Variants in CES1 observed in about 807,000 individuals in gnomAD.
The protein encoded by CES1 is liver carboxylesterase 1.
CES1 carries 50 observed loss-of-function variants against 53.0 expected under a neutral mutation model. The ratio of observed to expected loss-of-function variants is 0.94; its 90% CI spans 0.75 to 1.19. The LOEUF is 1.19. CES1 is among the 50% of genes most tolerant of loss of function. The probability of loss-of-function intolerance (pLI) is 0.00; values close to 1 mark genes in which losing one functional copy is unlikely to be tolerated. For missense variants in CES1, 534 were observed against 538.0 expected (o/e 0.99, Z 0.07); for synonymous variants, 202 against 210.1 (o/e 0.96, Z 0.33).
At position 55,821,479 on chromosome 16, in the gene CES1, G is replaced by T; in HGVS notation, c.582C>A (p.Asp194Glu). 9 of 1,614,208 alleles carry T rather than the reference G, an allele frequency of 5.6e-6. No individual in the cohort carries two copies. Among genetic ancestry groups the T allele is most frequent in the Non-Finnish European group, 7.6e-6 (9 of 1,180,046 alleles). The change falls in exon 5 of 14, where the codon GAC becomes GAA. Residue 194 changes from aspartate (D) to glutamate (E), a missense_variant. Coordinates refer to ENST00000360526, the MANE Select transcript of CES1 (RefSeq NM_001025195.2). The part of the protein sequence containing the change: ...EHSRGNWGHL[D>E]QVAALRWVQD... ...GGACCCAGCGCAGGGCAGCCACCTG[G>T]TCCAGGTGACCCCAGTTCCCCCGGC...
At chr16:55,822,980 T>A (rs1202331455) in intron 4 of CES1, among the ~76,000 whole-genome samples, 1 of 152,000 alleles carries the variant, frequency 6.6e-6, no homozygotes, top group African/African-American at 2.4e-5. Flanking sequence ...GGAGACCTGA[T>A]GGGAAGACTC....
At chr16:55,822,358 G>A (rs1181892898) in intron 4 of CES1, among the ~76,000 whole-genome samples, 2 of 152,252 alleles carry the variant, frequency 1.3e-5, no homozygotes, top group Non-Finnish European at 1.5e-5. Context: ...CCAGGGAAGA[G>A]GTGCAAAGTA....
At chr16:55,817,021 G>C in intron 7 of CES1, 59 bp from the exon 8 acceptor site, 1 of 1,580,518 alleles carries the variant, frequency 6.3e-7, no homozygotes, top group Non-Finnish European at 8.7e-7. Context: ...CACTGAGCTG[G>C]GTGAGTGGGG....
chr16:55,826,659 A>G (rs2032430059), intron 2 of CES1, among the ~76,000 whole-genome samples: 1 of 152,174 alleles, frequency 6.6e-6, no homozygotes, highest in Non-Finnish European at 1.5e-5. Context: ...ATTGTGCTCT[A>G]GTTTTGTCTC....
intron 2 of CES1, among the ~76,000 whole-genome samples, chr16:55,827,277 C>CAATAATAATAATAATAATAAT (rs57486989): frequency 2.1e-5 from 3 of 143,796 alleles, no homozygotes; most frequent in Non-Finnish European, 4.5e-5. Context: ...AGAGGAATAA[C>CAATAATAATAATAATAATAAT]AATAATAATA....
At chr16:55,820,030 T>G in intron 6 of CES1, 1 of 554,846 alleles carries the variant, frequency 1.8e-6, no homozygotes, top group Non-Finnish European at 3.3e-6. Context: ...CAAGACACCA[T>G]CACTGCCCAA....
chr16:55,832,613 G>A (rs1335217531), intron 1 of CES1, among the ~76,000 whole-genome samples: 2 of 152,142 alleles, frequency 1.3e-5, no homozygotes, highest in Non-Finnish European at 2.9e-5. Context: ...CGCCCAGCGG[G>A]GACTCGAACC....
intron 9 of CES1, among the ~76,000 whole-genome samples, chr16:55,811,337 T>C (rs1183969930): frequency 6.6e-6 from 1 of 151,940 alleles, no homozygotes. Context: ...GACATGGAGA[T>C]GCAAGGTGTC....
intron 11 of CES1, among the ~76,000 whole-genome samples, chr16:55,808,539 C>A (rs1212898970): frequency 6.6e-6 from 1 of 152,190 alleles, no homozygotes; most frequent in Non-Finnish European, 1.5e-5. Context: ...AATCCACATT[C>A]TTATGCAGTG....
At chr16:55,829,026 G>C in intron 1 of CES1, 52 bp from the exon 2 acceptor site, 1 of 1,553,032 alleles carries the variant, frequency 6.4e-7, no homozygotes, top group Non-Finnish European at 8.7e-7. Context: ...GCTGGACCCA[G>C]ATTCCAGGTG....
intron 3 of CES1, 29 bp downstream of exon 3, chr16:55,826,122 C>T (rs747005252): frequency 3.3e-5 from 53 of 1,613,778 alleles, no homozygotes; most frequent in Middle Eastern, 3.3e-4. Context: ...GGCACTGACA[C>T]GCCTTGACCA....
chr16:55,820,568 T>C (rs1597079944), intron 5 of CES1, 89 bp from the exon 6 acceptor site: 1 of 1,602,100 alleles, frequency 6.2e-7, no homozygotes, highest in Non-Finnish European at 8.5e-7. Context: ...TACTCCACTA[T>C]AAAACCAACA....
chr16:55,815,201 G>T (rs1169144007), intron 8 of CES1, among the ~76,000 whole-genome samples: 1 of 152,204 alleles, frequency 6.6e-6, no homozygotes, highest in Non-Finnish European at 1.5e-5. Flanking sequence ...TAGAGGGAGG[G>T]ACAGGTGCAG....
chr16:55,811,893 T>G (rs1315149875), intron 9 of CES1, among the ~76,000 whole-genome samples: 1 of 152,188 alleles, frequency 6.6e-6, no homozygotes, highest in East Asian at 1.9e-4. Flanking sequence ...CTGACTTCAG[T>G]GGGTTCTTCC....
intron 5 of CES1, 25 bp downstream of exon 5, chr16:55,821,343 T>C (rs2032181820): frequency 6.2e-7 from 1 of 1,614,026 alleles, no homozygotes; most frequent in Non-Finnish European, 8.5e-7. Context: ...AGCGTGGGGT[T>C]GGGCCTGGTG....
intron 8 of CES1, 110 bp from the exon 9 acceptor site, chr16:55,813,153 G>A (rs185438424): frequency 1.6e-5 from 23 of 1,445,636 alleles, no homozygotes; most frequent in East Asian, 9.1e-5. Flanking sequence ...ATGGCCATGC[G>A]CCATGGCTGC....
At chr16:55,820,795 C>T (rs1311331677) in intron 5 of CES1, among the ~76,000 whole-genome samples, 11 of 152,114 alleles carry the variant, frequency 7.2e-5, no homozygotes, top group African/African-American at 2.7e-4. Flanking sequence ...GGCTCCATCC[C>T]TCCTTCCTCT....
At chr16:55,831,163 A>C (rs1410527287) in intron 1 of CES1, among the ~76,000 whole-genome samples, 3 of 152,186 alleles carry the variant, frequency 2.0e-5, no homozygotes, top group Non-Finnish European at 4.4e-5. Flanking sequence ...GAGAAAAAAA[A>C]ACAAAGGTCA....
At chr16:55,827,497 G>A (rs2142351339) in intron 2 of CES1, among the ~76,000 whole-genome samples, 1 of 152,176 alleles carries the variant, frequency 6.6e-6, no homozygotes, top group Non-Finnish European at 1.5e-5. Flanking sequence ...TGGGAGGAGT[G>A]TAGTTGGAAT....
Sources: gnomAD v4.1 joint callset for allele counts (sites outside exome capture counted in the v4.1 genomes callset) on GRCh38, gnomAD v4.1.1 for gene constraint, MANE v1.5 for transcripts, NCBI Gene and HGNC (gene_info 2026-07-23, HGNC 2026-07-21) for gene names.